Variants in FHOD3 observed in about 807,000 individuals in gnomAD.
FHOD3 encodes the protein formin homology 2 domain containing 3.
A neutral mutation model predicts 173.0 loss-of-function variants in FHOD3; 90 were observed. The ratio of observed to expected loss-of-function variants is 0.52; its 90% CI spans 0.44 to 0.62. The LOEUF (loss-of-function observed/expected upper bound fraction) is 0.62. FHOD3 is among the 20% of genes least tolerant of loss of function. FHOD3 has a pLI of 0.00. For missense variants in FHOD3, 1,945 were observed against 2,034.7 expected (o/e 0.96, Z 0.85); for synonymous variants, 828 against 823.0 (o/e 1.01, Z -0.10).
intron 6 of FHOD3, among the ~76,000 whole-genome samples, chr18:36,593,567 A>T (rs549606236): frequency 2.0e-5 from 3 of 152,258 alleles, no homozygotes; most frequent in African/African-American, 7.2e-5. Flanking sequence ...AATTCTACCC[A>T]TGTCCCCTAA....
chr18:36,596,318 C>A (rs2030377203), intron 7 of FHOD3, among the ~76,000 whole-genome samples: 1 of 104,610 alleles, frequency 9.6e-6, no homozygotes, highest in South Asian at 3.3e-4. Context: ...CCATGCCCAG[C>A]TAATTTTTTT....
chr18:36,620,345 C>T (rs1320687339), intron 9 of FHOD3, among the ~76,000 whole-genome samples: 2 of 152,130 alleles, frequency 1.3e-5, no homozygotes, highest in East Asian at 3.9e-4. Flanking sequence ...CTCAAGTTAT[C>T]AAACTCCTAC....
intron 3 of FHOD3, among the ~76,000 whole-genome samples, chr18:36,493,034 A>T (rs1355397284): frequency 6.6e-6 from 1 of 152,126 alleles, no homozygotes; most frequent in East Asian, 1.9e-4. Context: ...TGGGGCCAGC[A>T]TCTATGGTAC....
intron 3 of FHOD3, among the ~76,000 whole-genome samples, chr18:36,383,791 A>G (rs2047901329): frequency 6.6e-6 from 1 of 152,194 alleles, no homozygotes; most frequent in South Asian, 2.1e-4. Flanking sequence ...CAGTGGTCTA[A>G]TCACTTGGCC....
chr18:36,333,038 T>A (rs2045105978), intron 1 of FHOD3, among the ~76,000 whole-genome samples: 1 of 152,202 alleles, frequency 6.6e-6, no homozygotes, highest in African/African-American at 2.4e-5. Context: ...CAAAGATTGT[T>A]TTCATTCTCT....
chr18:36,614,840 ATTTTTTTTTT>A (rs751719654), intron 9 of FHOD3, among the ~76,000 whole-genome samples: 7 of 86,178 alleles, frequency 8.1e-5, no homozygotes, highest in Non-Finnish European at 1.3e-4. Flanking sequence ...TTTTTAATTG[ATTTTTTTTTT>A]TTTTTTTTTT....
intron 3 of FHOD3, among the ~76,000 whole-genome samples, chr18:36,448,523 T>G (rs1026212128): frequency 6.6e-6 from 1 of 152,132 alleles, no homozygotes; most frequent in Non-Finnish European, 1.5e-5. Context: ...GGGTTGCATC[T>G]CTCCCACATG....
chr18:36,685,447 C>T (rs910491870), intron 15 of FHOD3, among the ~76,000 whole-genome samples: 2 of 152,204 alleles, frequency 1.3e-5, no homozygotes, highest in Middle Eastern at 3.2e-3. Context: ...GACCTTTTAT[C>T]AGCCATTTCA....
intron 4 of FHOD3, 145 bp downstream of exon 4, chr18:36,502,144 C>G (rs184541219): frequency 2.4e-6 from 1 of 420,622 alleles, no homozygotes; most frequent in Admixed American, 4.4e-5. Context: ...TACATTAGGT[C>G]ATAATATCAG....
rs773430875 is a variant in FHOD3, at chr18:36,594,855, A to G, written c.675A>G (p.Ala225=). The change falls in exon 7 of 29, where the codon GCA becomes GCG. Residue 225 remains alanine (A), a synonymous_variant. Transcript: ENST00000590592. ...TTGTAGAGTACTCGGAGTCCAACGC[A>G]CCTCTCCTAATTCAGGCTGTCACTG... ...LVFVEYSESN[A]PLLIQAVTAV... The G allele has an allele frequency of 6.2e-7, 1 of 1,613,674 alleles. No individual in the cohort carries two copies. Among genetic ancestry groups the G allele is most frequent in the East Asian group, 2.2e-5 (1 of 44,860 alleles).
intron 19 of FHOD3, among the ~76,000 whole-genome samples, chr18:36,725,146 G>A (rs1004154999): frequency 4.6e-5 from 7 of 152,176 alleles, no homozygotes; most frequent in African/African-American, 1.4e-4. Context: ...CCTGGGCTCA[G>A]GCACCTCCTT....
chr18:36,523,918 A>G (rs16967928), intron 5 of FHOD3, among the ~76,000 whole-genome samples: 1,853 of 152,334 alleles, frequency 0.012, 31 homozygotes, highest in African/African-American at 0.042. Flanking sequence ...AAAGAAGGCT[A>G]TCTGGTTACA....
At chr18:36,363,925 G>A (rs1300330157) in intron 2 of FHOD3, among the ~76,000 whole-genome samples, 1 of 152,126 alleles carries the variant, frequency 6.6e-6, no homozygotes, top group Non-Finnish European at 1.5e-5. Context: ...ATGAGAACAT[G>A]CTCTACTTTC....
At chr18:36,689,784 G>T (rs944136635) in intron 16 of FHOD3, among the ~76,000 whole-genome samples, 10 of 152,114 alleles carry the variant, frequency 6.6e-5, no homozygotes, top group African/African-American at 2.4e-4. Context: ...GCAAACAGGG[G>T]CTATGGGAAC....
chr18:36,600,352 C>G (rs1401360831), intron 7 of FHOD3, among the ~76,000 whole-genome samples: 3 of 151,832 alleles, frequency 2.0e-5, no homozygotes, highest in African/African-American at 7.3e-5. Flanking sequence ...AGTGAGTGGA[C>G]CCCATAATTC....
At chr18:36,758,112 TATAA>T (rs1341470327) in intron 25 of FHOD3, among the ~76,000 whole-genome samples, 13 of 152,256 alleles carry the variant, frequency 8.5e-5, no homozygotes, top group African/African-American at 2.4e-4. Context: ...TCCCAGGTTA[TATAA>T]ATAAACTGTA....
At chr18:36,562,365 T>A (rs1480453341) in intron 5 of FHOD3, among the ~76,000 whole-genome samples, 1 of 152,104 alleles carries the variant, frequency 6.6e-6, no homozygotes, top group African/African-American at 2.4e-5. Context: ...ATTATAGAGG[T>A]CTATAATAAA....
chr18:36,488,236 G>A (rs913322122), intron 3 of FHOD3, among the ~76,000 whole-genome samples: 1 of 152,200 alleles, frequency 6.6e-6, no homozygotes, highest in Admixed American at 6.5e-5. Flanking sequence ...TTGATGCTGG[G>A]TTGTTCCCTT....
At chr18:36,766,846 A>C (rs902964217) in intron 27 of FHOD3, among the ~76,000 whole-genome samples, 1 of 152,216 alleles carries the variant, frequency 6.6e-6, no homozygotes, top group Non-Finnish European at 1.5e-5. Context: ...GTGCTCTGCA[A>C]ATGTATTATG....
Sources: allele counts gnomAD v4.1 joint callset (sites outside exome capture counted in the v4.1 genomes callset), GRCh38; gene constraint gnomAD v4.1.1; transcripts MANE v1.5; gene names NCBI Gene and HGNC (gene_info 2026-07-23, HGNC 2026-07-21).